The following TRMT44 variants were observed in gnomAD, a reference collection of about 807,000 sequenced individuals.
TRMT44 encodes probable tRNA (uracil-O(2)-)-methyltransferase.
In TRMT44, 78 loss-of-function variants were observed where a neutral mutation model predicts 77.3. The observed-to-expected ratio is 1.01, with a 90% CI of 0.84 to 1.22. The LOEUF (loss-of-function observed/expected upper bound fraction) is 1.22. Among genes scored for constraint, TRMT44 ranks in the 50% most tolerant of loss-of-function variants. The pLI, the probability that TRMT44 is intolerant of heterozygous loss-of-function variation, is 0.00. For synonymous variants in TRMT44, 391 were observed against 383.3 expected, an observed-to-expected ratio of 1.02 and a Z score of -0.23; for missense variants, 1,090 against 964.4, an observed-to-expected ratio of 1.13 and a Z score of -1.73.
At chr4:8,488,574 G>C (rs1055239003) in intron 2 of TRMT44, among the ~76,000 whole-genome samples, 1 of 152,192 alleles carries the variant, frequency 6.6e-6, no homozygotes, top group African/African-American at 2.4e-5. Context: ...TTCTTTTGTG[G>C]TGGAATGTCA....
At position 8,449,949 on chromosome 4, in the gene TRMT44, C is replaced by CTTTTTT. The variant is rs745915221; in HGVS notation, c.954+81_954+86dup. ...TCATGATTTTCTTTTCTTTTCTTTT[C>CTTTTTT]TTTTTTTTTTTTTTTTTTTTTTTTT... is the stretch of plus-strand genomic sequence containing the variant. On this transcript the variant is annotated intron_variant, in intron 3 of 10. Coordinates refer to ENST00000389737, the MANE Select transcript of TRMT44 (RefSeq NM_152544.3). 1.8e-3 allele frequency: 432 copies of CTTTTTT among 238,756 alleles called. 4 individuals are homozygous for CTTTTTT. Among genetic ancestry groups the CTTTTTT allele is most frequent in the South Asian group, 3.1e-3 (51 of 16,670 alleles). 14.8% of individuals were successfully genotyped at this position (238,756 alleles called of 1,614,324 possible).
At chr4:8,490,746 G>A (rs1169508992) in intron 2 of TRMT44, among the ~76,000 whole-genome samples, 1 of 152,178 alleles carries the variant, frequency 6.6e-6, no homozygotes, top group East Asian at 1.9e-4. Context: ...TGTGGAAGGG[G>A]CCCCGAGCGG....
At position 8,471,081 on chromosome 4, in the gene TRMT44, C is replaced by A; in HGVS notation, c.1928-3C>A. The A allele has an allele frequency of 6.3e-7, 1 of 1,576,190 alleles. No homozygotes were observed. The highest frequency in any genetic ancestry group is 8.6e-7 in the Non-Finnish European group (1 of 1,165,994). On this transcript the variant is annotated splice_polypyrimidine_tract_variant and splice_region_variant and intron_variant, in intron 9 of 10. Coordinates refer to ENST00000389737, the MANE Select transcript of TRMT44 (RefSeq NM_152544.3). ...GGGAAAAAAAAAACCCGTTTTTCCA[C>A]AGAGAGCCTATCTCTGGCAGAAGTA...
rs553863675 is a variant in TRMT44 at position 8,493,240 on chromosome 4, A to G, written n.3892-26A>G. The G allele has an allele frequency of 8.7e-4, 133 of 152,338 alleles. 1 individual carries two copies. The highest frequency in any genetic ancestry group is 3.2e-3 in the African/African-American group (131 of 41,568). The allele number at this position is 152,338 out of a possible 1,614,324, so 9.4% of individuals were successfully genotyped here. A position where few individuals can be genotyped will look rare whatever the true frequency, so the allele number is the denominator to read the frequency against. On this transcript the variant is annotated intron_variant and non_coding_transcript_variant, in intron 2 of 2. Transcript: ENST00000511366. Reference sequence around the variant, plus strand: ...CTTAAATTGCTCCTGTGATAACCTAAGATGAGTGCTTAACATCTTTTACAG... The same window carrying G: ...CTTAAATTGCTCCTGTGATAACCTAGGATGAGTGCTTAACATCTTTTACAG...
chr4:8,465,330 G>T, intron 7 of TRMT44, 48 bp from the exon 8 acceptor site: 1 of 1,536,892 alleles, frequency 6.5e-7, no homozygotes, highest in South Asian at 1.2e-5. Context: ...TTCCTTGACT[G>T]CGTCTGCTCA....
At chr4:8,460,635 C>G (rs1392979398) in intron 6 of TRMT44, among the ~76,000 whole-genome samples, 1 of 151,872 alleles carries the variant, frequency 6.6e-6, no homozygotes, top group Admixed American at 6.5e-5. Flanking sequence ...CTCACTGCAG[C>G]CTCCACCTCC....
Position 8,461,318 on chromosome 4 carries a change from CTA to C in TRMT44, c.1204-2664_1204-2663del, listed in dbSNP as rs1265437443. On this transcript the variant is annotated intron_variant, in intron 6 of 10. Transcript: ENST00000389737. This position sits in a 1 kb window ranked among gnomAD's most constrained non-coding sequence, Gnocchi z 4.6. ...GAGGCTCTGCAAATATGTGTGTAGACTATAGACTCTCACACATGTCCCAGAAT... is the reference window on the plus strand; with the variant it reads ...GAGGCTCTGCAAATATGTGTGTAGACTAGACTCTCACACATGTCCCAGAAT... 6.6e-6 allele frequency among the ~76,000 whole-genome samples: 1 copy of C among 152,122 alleles called. No individual in the cohort carries two copies.
intron 2 of TRMT44, among the ~76,000 whole-genome samples, chr4:8,491,822 A>C (rs2631756): frequency 2.3e-4 from 35 of 152,144 alleles, no homozygotes; most frequent in Admixed American, 2.3e-3. Flanking sequence ...TGAGGGAGCC[A>C]GCTGTGGCCT....
At chr4:8,449,641 C>T (rs1253024540) in intron 2 of TRMT44, 28 bp from the exon 3 acceptor site, 3 of 1,451,510 alleles carry the variant, frequency 2.1e-6, no homozygotes, top group Non-Finnish European at 2.8e-6. Flanking sequence ...CATATCTGTG[C>T]TTATTCATAT....
At position 8,492,313 on chromosome 4, in the gene TRMT44, C is replaced by T. The variant is rs1034665930; in HGVS notation, n.3892-953C>T. 3.9e-5 allele frequency among the ~76,000 whole-genome samples: 6 copies of T among 152,314 alleles called. No individual in the cohort carries two copies. The South Asian group carries it at 1.2e-3, about 32-fold the overall frequency. ...AGTAAATCTGATACCAAAGTCAGGT[C>T]CAGCCTTTCCTTTCAACATCAAAAA... On this transcript the variant is annotated intron_variant and non_coding_transcript_variant, in intron 2 of 2. Transcript: ENST00000511366.
the TRMT44 span, among the ~76,000 whole-genome samples, chr4:8,498,762 A>C: frequency 6.6e-6 from 1 of 152,192 alleles, no homozygotes; most frequent in Non-Finnish European, 1.5e-5. This position sits in a 1 kb window ranked among gnomAD's most constrained non-coding sequence, Gnocchi z 4.3. Context: ...TGTGAGTAGA[A>C]GCGATGCCAC....
intron 6 of TRMT44, among the ~76,000 whole-genome samples, chr4:8,460,214 C>A (rs749589818): frequency 6.6e-6 from 1 of 152,192 alleles, no homozygotes; most frequent in African/African-American, 2.4e-5. Context: ...GCTCTGTGGG[C>A]GTGGCCTCAC....
At chr4:8,465,251 A>G (rs1726447593) in intron 7 of TRMT44, 127 bp from the exon 8 acceptor site, 3 of 874,276 alleles carry the variant, frequency 3.4e-6, no homozygotes, top group Admixed American at 2.4e-5. Flanking sequence ...AAAAGAAACA[A>G]TATTGGCCAG....
chr4:8,455,705 A>T (rs568411345), intron 6 of TRMT44, among the ~76,000 whole-genome samples: 2 of 152,304 alleles, frequency 1.3e-5, no homozygotes, highest in South Asian at 4.1e-4. Context: ...CATTTTCTGA[A>T]GTCTTTGACA....
At chr4:8,470,131 C>T in intron 9 of TRMT44, among the ~76,000 whole-genome samples, 1 of 152,260 alleles carries the variant, frequency 6.6e-6, no homozygotes, top group East Asian at 1.9e-4. Flanking sequence ...ACAGGGAAGG[C>T]TGACTGGGAC....
downstream of TRMT44, among the ~76,000 whole-genome samples, chr4:8,498,175 G>A (rs2109246281): frequency 6.6e-6 from 1 of 152,244 alleles, no homozygotes; most frequent in Non-Finnish European, 1.5e-5. This position sits in a 1 kb window ranked among gnomAD's most constrained non-coding sequence, Gnocchi z 4.3. Context: ...GGGCAGCTGT[G>A]AACTCCATCC....
At chr4:8,447,279 C>T (rs1418716385) in intron 2 of TRMT44, among the ~76,000 whole-genome samples, 1 of 152,090 alleles carries the variant, frequency 6.6e-6, no homozygotes, top group Non-Finnish European at 1.5e-5. Flanking sequence ...TAATAAGCAC[C>T]CTTAATTCCA....
intron 2 of TRMT44, among the ~76,000 whole-genome samples, chr4:8,492,121 A>G (rs1386621466): frequency 6.6e-6 from 1 of 152,244 alleles, no homozygotes; most frequent in Non-Finnish European, 1.5e-5. Context: ...CAGAATAGCG[A>G]GGTTTCCTCC....
the TRMT44 span, chr4:8,509,196 C>CGGAG: frequency 3.4e-5 from 3 of 89,050 alleles, no homozygotes; most frequent in African/African-American, 7.9e-5. Flanking sequence ...GCCCTGAGGA[C>CGGAG]GGAGGGAGGG....
Sources: gnomAD v4.1 joint callset for allele counts (sites outside exome capture counted in the v4.1 genomes callset) on GRCh38, gnomAD v4.1.1 for gene constraint, Gnocchi (gnomAD v3.1) non-coding constraint, MANE v1.5 for transcripts, NCBI Gene and HGNC (gene_info 2026-07-23, HGNC 2026-07-21) for gene names.